The following ENTREP2 variants were observed in gnomAD, a reference collection of about 807,000 sequenced individuals.
ENTREP2 encodes protein ENTREP2.
chr15:29,632,466 G>A, the ENTREP2 span, among the ~76,000 whole-genome samples: 1 of 152,062 alleles, frequency 6.6e-6, no homozygotes, highest in African/African-American at 2.4e-5. Context: ...CTTATAACCT[G>A]TTTACTAAAA....
At chr15:29,399,358 C>T in the ENTREP2 span, among the ~76,000 whole-genome samples, 1 of 151,966 alleles carries the variant, frequency 6.6e-6, no homozygotes, top group Non-Finnish European at 1.5e-5. Context: ...CAATTTGCCA[C>T]ATAACAATAG....
At chr15:29,229,482 T>C in the ENTREP2 span, among the ~76,000 whole-genome samples, 2 of 152,164 alleles carry the variant, frequency 1.3e-5, no homozygotes, top group African/African-American at 4.8e-5. Context: ...TGTCTCTACC[T>C]TTTTTTCCCC....
At chr15:29,478,317 G>A in the ENTREP2 span, among the ~76,000 whole-genome samples, 7 of 151,858 alleles carry the variant, frequency 4.6e-5, no homozygotes, top group African/African-American at 7.2e-5. Flanking sequence ...GTGAGCCACC[G>A]CGTCCAGCCT....
chr15:29,595,540 G>C, the ENTREP2 span, among the ~76,000 whole-genome samples: 4 of 151,998 alleles, frequency 2.6e-5, no homozygotes, highest in South Asian at 8.3e-4. Flanking sequence ...ATTAGTTGTC[G>C]CGTCTCCTAC....
chr15:29,653,113 A>G, the ENTREP2 span, among the ~76,000 whole-genome samples: 29 of 152,332 alleles, frequency 1.9e-4, no homozygotes, highest in South Asian at 6.2e-4. Context: ...CTGGGAGTCC[A>G]TATCACTGGG....
chr15:29,151,915 G>A, the ENTREP2 span: 12 of 1,048,996 alleles, frequency 1.1e-5, no homozygotes, highest in Non-Finnish European at 1.6e-5. Context: ...CTCCTGCCAG[G>A]GCCCAGAATG....
the ENTREP2 span, among the ~76,000 whole-genome samples, chr15:29,382,056 A>G: frequency 3.3e-5 from 5 of 152,098 alleles, no homozygotes; most frequent in Admixed American, 3.3e-4. Flanking sequence ...TGTGCACTGC[A>G]CTAGGTGGCC....
chr15:29,645,242 TTC>T, the ENTREP2 span, among the ~76,000 whole-genome samples: 1 of 152,166 alleles, frequency 6.6e-6, no homozygotes, highest in Non-Finnish European at 1.5e-5. Flanking sequence ...GACGTGAGAA[TTC>T]TGTTTCTCAG....
the ENTREP2 span, among the ~76,000 whole-genome samples, chr15:29,536,394 T>C: frequency 6.6e-6 from 1 of 152,120 alleles, no homozygotes; most frequent in South Asian, 2.1e-4. Flanking sequence ...AGGCACTACA[T>C]TAACCAACTG....
At chr15:29,238,156 T>C in the ENTREP2 span, among the ~76,000 whole-genome samples, 2,960 of 152,264 alleles carry the variant, frequency 0.019, 102 homozygotes, top group African/African-American at 0.067. Flanking sequence ...GGGAAATTTA[T>C]AAAGACAGAA....
chr15:29,492,591 G>T, the ENTREP2 span, among the ~76,000 whole-genome samples: 5 of 152,302 alleles, frequency 3.3e-5, no homozygotes, highest in Non-Finnish European at 7.3e-5. Context: ...TATCGGTTAT[G>T]ACCTTCAAGT....
At chr15:29,124,771 AAGG>A in the ENTREP2 span, 2 of 1,549,946 alleles carry the variant, frequency 1.3e-6, no homozygotes, top group South Asian at 1.2e-5. Context: ...CCTTAACCAG[AAGG>A]AGAATTCAGT....
the ENTREP2 span, among the ~76,000 whole-genome samples, chr15:29,119,252 C>T: frequency 5.3e-5 from 8 of 152,316 alleles, no homozygotes; most frequent in African/African-American, 1.9e-4. Context: ...TATATGCACT[C>T]GCTCTGAATG....
chr15:29,533,592 T>C, the ENTREP2 span, among the ~76,000 whole-genome samples: 1 of 152,096 alleles, frequency 6.6e-6, no homozygotes, highest in Non-Finnish European at 1.5e-5. Flanking sequence ...CCCAGAAAAT[T>C]TGGCAAACGG....
the ENTREP2 span, among the ~76,000 whole-genome samples, chr15:29,540,099 G>A: frequency 6.6e-6 from 1 of 152,094 alleles, no homozygotes; most frequent in Non-Finnish European, 1.5e-5. Context: ...CCATACTCCT[G>A]ACACCCCAGC....
At chr15:29,209,685 C>T in the ENTREP2 span, among the ~76,000 whole-genome samples, 9 of 151,992 alleles carry the variant, frequency 5.9e-5, no homozygotes, top group South Asian at 2.1e-4. Flanking sequence ...TTGGTTCCTC[C>T]GCCTGGAAAG....
At chr15:29,363,689 A>C in the ENTREP2 span, among the ~76,000 whole-genome samples, 1 of 152,218 alleles carries the variant, frequency 6.6e-6, no homozygotes, top group Non-Finnish European at 1.5e-5. Flanking sequence ...GAAAAACAAA[A>C]ATAAGAGAAT....
the ENTREP2 span, among the ~76,000 whole-genome samples, chr15:29,655,617 A>G: frequency 1.3e-5 from 2 of 152,252 alleles, no homozygotes; most frequent in East Asian, 1.9e-4. Flanking sequence ...TATTATTAAT[A>G]TGTGAAAGGC....
At chr15:29,593,009 T>C in the ENTREP2 span, among the ~76,000 whole-genome samples, 1 of 152,120 alleles carries the variant, frequency 6.6e-6, no homozygotes, top group Non-Finnish European at 1.5e-5. Context: ...ATGAGCCGAA[T>C]AATAAACCTC....
Sources: allele counts gnomAD v4.1 joint callset (sites outside exome capture counted in the v4.1 genomes callset), GRCh38; gene constraint gnomAD v4.1.1; transcripts MANE v1.5; gene names NCBI Gene and HGNC (gene_info 2026-07-23, HGNC 2026-07-21).